The following LRP1B variants were observed in gnomAD, a reference collection of about 807,000 sequenced individuals.
LRP1B encodes LDL receptor related protein 1B.
A neutral mutation model predicts 556.6 loss-of-function variants in LRP1B; 217 were observed. The observed-to-expected ratio is 0.39, with a 90% confidence interval of 0.35 to 0.44. The LOEUF (loss-of-function observed/expected upper bound fraction) is 0.44. LRP1B is among the 20% of genes least tolerant of loss of function. The probability of loss-of-function intolerance (pLI) is 1.00; values close to 1 mark genes in which losing one functional copy is unlikely to be tolerated. For missense variants in LRP1B, 5,053 were observed against 5,620.8 expected (o/e 0.90, Z 3.23); for synonymous variants, 2,047 against 1,865.8 (o/e 1.10, Z -2.50).
At chr2:140,816,378 A>G (rs1691125685) in intron 31 of LRP1B, among the ~76,000 whole-genome samples, 1 of 152,030 alleles carries the variant, frequency 6.6e-6, no homozygotes, top group South Asian at 2.1e-4. Context: ...GGCCTCCCAA[A>G]CTGCTGGGAT....
At chr2:141,255,708 G>A (rs1684436259) in intron 3 of LRP1B, among the ~76,000 whole-genome samples, 1 of 151,824 alleles carries the variant, frequency 6.6e-6, no homozygotes, top group Non-Finnish European at 1.5e-5. Flanking sequence ...TGAGAAAACT[G>A]AAGCAATCAG....
intron 21 of LRP1B, among the ~76,000 whole-genome samples, chr2:140,921,566 C>T (rs936448328): frequency 1.3e-5 from 2 of 151,930 alleles, no homozygotes; most frequent in Non-Finnish European, 2.9e-5. Flanking sequence ...TGCTAATTTT[C>T]AATTAATACA....
intron 35 of LRP1B, among the ~76,000 whole-genome samples, chr2:140,722,219 C>T (rs983234364): frequency 6.6e-6 from 1 of 152,142 alleles, no homozygotes; most frequent in African/African-American, 2.4e-5. Flanking sequence ...GAAAATGCCA[C>T]AAATTATTTA....
intron 77 of LRP1B, among the ~76,000 whole-genome samples, chr2:140,342,642 A>T (rs1332853248): frequency 6.6e-6 from 1 of 151,552 alleles, no homozygotes; most frequent in East Asian, 1.9e-4. Context: ...AGAGATCCAA[A>T]GAATAGGATG....
chr2:141,027,218 CT>C (rs1206103405), intron 11 of LRP1B, among the ~76,000 whole-genome samples: 1 of 152,070 alleles, frequency 6.6e-6, no homozygotes. Flanking sequence ...TAGTGAAAGT[CT>C]GCAAATTTTT....
intron 43 of LRP1B, among the ~76,000 whole-genome samples, chr2:140,546,546 G>C (rs113456431): frequency 0.028 from 4,254 of 152,114 alleles, 69 homozygotes; most frequent in African/African-American, 0.042. Flanking sequence ...GCAAAGAAGG[G>C]GGAAACCTCT....
intron 20 of LRP1B, among the ~76,000 whole-genome samples, chr2:140,942,843 A>G (rs756553032): frequency 3.3e-5 from 5 of 152,156 alleles, no homozygotes; most frequent in Non-Finnish European, 7.4e-5. Flanking sequence ...ACATGTATAT[A>G]GCCCACAGGC....
At chr2:141,653,711 G>T (rs550285749) in intron 2 of LRP1B, among the ~76,000 whole-genome samples, 55 of 152,276 alleles carry the variant, frequency 3.6e-4, no homozygotes, top group African/African-American at 1.0e-3. Context: ...ATTACACTCA[G>T]ATGGCGGTGC....
At chr2:141,247,947 C>A (rs769309028) in intron 4 of LRP1B, among the ~76,000 whole-genome samples, 4 of 152,072 alleles carry the variant, frequency 2.6e-5, no homozygotes, top group Non-Finnish European at 5.9e-5. Context: ...GCGGCTCATG[C>A]CTGTAATCCC....
At chr2:141,898,894 A>G (rs1699535120) in intron 1 of LRP1B, among the ~76,000 whole-genome samples, 1 of 152,142 alleles carries the variant, frequency 6.6e-6, no homozygotes, top group South Asian at 2.1e-4. Context: ...CTGTCATTCT[A>G]AAATGAAAAT....
At chr2:140,938,565 T>C (rs1695299098) in intron 20 of LRP1B, among the ~76,000 whole-genome samples, 1 of 152,048 alleles carries the variant, frequency 6.6e-6, no homozygotes, top group East Asian at 1.9e-4. Context: ...TCACAGAAAG[T>C]TAGGGGAAAA....
At position 141,302,237 on chromosome 2, in the gene LRP1B, A is replaced by C. The variant is rs535695440; in HGVS notation, c.344-47596T>G. ...TTGAAATAGAATAAATATATAAATA[A>C]TAGCAATACAAAAGACTAGTTAACT... On this transcript the variant is annotated intron_variant, in intron 3 of 90. Transcript: ENST00000389484. Among the ~76,000 whole-genome samples, 6 of 152,196 alleles carry C rather than the reference A, an allele frequency of 3.9e-5. No homozygotes were observed. In the East Asian group the frequency reaches 1.2e-3, roughly 29 times the overall value.
chr2:140,361,379 T>TATATATATATATATATAA (rs1190166439), intron 72 of LRP1B, among the ~76,000 whole-genome samples: 1 of 130,588 alleles, frequency 7.7e-6, no homozygotes, highest in African/African-American at 2.8e-5. Flanking sequence ...TATATATATA[T>TATATATATATATATATAA]AACAAAAATA....
intron 43 of LRP1B, among the ~76,000 whole-genome samples, chr2:140,597,031 TAAAG>T (rs1012923282): frequency 2.6e-5 from 4 of 152,106 alleles, no homozygotes; most frequent in Non-Finnish European, 2.9e-5. Context: ...TTTTGCAAAA[TAAAG>T]AATTTTTAAA....
intron 79 of LRP1B, among the ~76,000 whole-genome samples, chr2:140,327,930 T>C (rs1558804921): frequency 6.6e-6 from 1 of 151,804 alleles, no homozygotes; most frequent in Non-Finnish European, 1.5e-5. Flanking sequence ...ACTCCAAAAA[T>C]CCACAAATCA....
intron 2 of LRP1B, among the ~76,000 whole-genome samples, chr2:141,642,307 C>T (rs1689366019): frequency 6.6e-6 from 1 of 152,068 alleles, no homozygotes; most frequent in African/African-American, 2.4e-5. Flanking sequence ...ATGAGGGTAG[C>T]AGCCCATTCT....
chr2:141,796,555 G>A (rs1695817998), intron 2 of LRP1B, among the ~76,000 whole-genome samples: 1 of 147,222 alleles, frequency 6.8e-6, no homozygotes, highest in South Asian at 2.2e-4. Flanking sequence ...ATTTCAATCT[G>A]AACATAGAGA....
Position 142,039,942 on chromosome 2 carries a change from C to T in LRP1B, c.82+90706G>A, listed in dbSNP as rs1390870594. Among the ~76,000 whole-genome samples, 3 of 151,504 alleles carry T rather than the reference C, an allele frequency of 2.0e-5. No homozygotes were observed. In the East Asian group the frequency reaches 5.9e-4, roughly 30 times the overall value. The stretch of plus-strand genomic sequence containing the variant: ...AAGCAGCACCATTTTAAGAAATACA[C>T]TGTTCAATAAGTCATAAACCCCAAC... On this transcript the variant is annotated intron_variant, in intron 1 of 90. Coordinates refer to ENST00000389484, the MANE Select transcript of LRP1B (RefSeq NM_018557.3).
chr2:140,543,318 TA>T (rs1680204216), intron 43 of LRP1B, among the ~76,000 whole-genome samples: 1 of 151,828 alleles, frequency 6.6e-6, no homozygotes. Flanking sequence ...AAGGGAAATT[TA>T]AAAAAATAGA....
Sources: allele counts gnomAD v4.1 joint callset (sites outside exome capture counted in the v4.1 genomes callset), GRCh38; gene constraint gnomAD v4.1.1; transcripts MANE v1.5; gene names NCBI Gene and HGNC (gene_info 2026-07-23, HGNC 2026-07-21).